The following RNF180 variants were observed in gnomAD, a reference collection of about 807,000 sequenced individuals.
The protein encoded by RNF180 is E3 ubiquitin-protein ligase RNF180.
Under a neutral mutation model 59.2 loss-of-function variants are expected in RNF180, and 38 were observed. That is an observed-to-expected ratio of 0.64 (90% CI 0.50 to 0.84). The LOEUF (loss-of-function observed/expected upper bound fraction) is 0.84. Ranked by LOEUF, RNF180 falls within the 40% of genes least tolerant of loss-of-function variation. RNF180 has a pLI of 0.00. For synonymous variants in RNF180, 262 were observed against 240.3 expected (o/e 1.09, Z -0.84); for missense variants, 705 against 700.9 (o/e 1.01, Z -0.07).
chr5:64,241,532 A>G (rs1742807081), intron 5 of RNF180, among the ~76,000 whole-genome samples: 2 of 152,186 alleles, frequency 1.3e-5, no homozygotes, highest in Non-Finnish European at 2.9e-5. Context: ...GCATATGATA[A>G]CTTATTCTAT....
rs1393315077 is a variant in RNF180, at chr5:64,371,659, A to T, written c.*1845A>T. 1 of 151,624 alleles carries T rather than the reference A, an allele frequency of 6.6e-6. No individual in the cohort carries two copies. The highest frequency in any genetic ancestry group is 2.4e-5 in the African/African-American group (1 of 41,412). The allele number at this position is 151,624 out of a possible 1,614,324, so 9.4% of individuals were successfully genotyped here. On this transcript the variant is annotated 3_prime_UTR_variant, in exon 8 of 8. Coordinates refer to ENST00000389100, the MANE Select transcript of RNF180 (RefSeq NM_001113561.2). ...TTAAATGAAGAAAGCATAATCTGGA[A>T]AAGCATTCAAAATGGATTGAGTATA...
At chr5:64,205,511 G>A (rs1000567980) in intron 2 of RNF180, among the ~76,000 whole-genome samples, 5 of 152,134 alleles carry the variant, frequency 3.3e-5, no homozygotes, top group South Asian at 2.1e-4. Context: ...AGGGAGTGGC[G>A]TCCTTAGTTT....
intron 5 of RNF180, among the ~76,000 whole-genome samples, chr5:64,283,696 G>A (rs1232992739): frequency 2.0e-5 from 3 of 152,072 alleles, no homozygotes; most frequent in Non-Finnish European, 2.9e-5. Context: ...TTGTGATGAA[G>A]GTGCCTTGCT....
At chr5:64,234,666 C>A (rs1443115175) in intron 5 of RNF180, among the ~76,000 whole-genome samples, 1 of 124,650 alleles carries the variant, frequency 8.0e-6, no homozygotes, top group Non-Finnish European at 1.6e-5. Flanking sequence ...GTGGCGCCAT[C>A]TTGGCTCACT....
chr5:64,324,554 G>A (rs1046192098), intron 5 of RNF180, among the ~76,000 whole-genome samples: 17 of 152,186 alleles, frequency 1.1e-4, no homozygotes, highest in Non-Finnish European at 1.9e-4. Flanking sequence ...TCAAGAACCT[G>A]CTGTATCTTT....
At position 64,214,368 on chromosome 5, in the gene RNF180, CAGGAAG is replaced by C. The variant is rs1157498444; in HGVS notation, c.1045_1050del (p.Glu349_Glu350del). ...CAGGAGCATGCCGGAGGCCTCAGACCAGGAAGAGCACCTCTCCCCTCTGGACTTCCT... is the reference window on the plus strand; with the variant it reads ...CAGGAGCATGCCGGAGGCCTCAGACCAGCACCTCTCCCCTCTGGACTTCCT... On this transcript the variant is annotated inframe_deletion, in exon 4 of 8. Transcript: ENST00000389100. The C allele has an allele frequency of 6.2e-7, 1 of 1,614,038 alleles. No individual in the cohort carries two copies. Among genetic ancestry groups the C allele is most frequent in the South Asian group, 1.1e-5 (1 of 91,080 alleles).
intron 5 of RNF180, among the ~76,000 whole-genome samples, chr5:64,264,405 A>T (rs990455407): frequency 2.0e-5 from 3 of 149,726 alleles, no homozygotes; most frequent in Non-Finnish European, 4.4e-5. Context: ...GACAGGCCCC[A>T]GTGTGTGGTA....
intron 5 of RNF180, among the ~76,000 whole-genome samples, chr5:64,323,713 C>T (rs1221738081): frequency 6.6e-6 from 1 of 152,022 alleles, no homozygotes; most frequent in African/African-American, 2.4e-5. Context: ...GAAGTATGGC[C>T]GTGGCTAACA....
intron 5 of RNF180, among the ~76,000 whole-genome samples, chr5:64,314,289 T>C (rs78027712): frequency 1.4e-5 from 1 of 69,462 alleles, no homozygotes; most frequent in Non-Finnish European, 2.8e-5. Context: ...CATGCCAACA[T>C]TTTTTTTTAC....
At chr5:64,179,096 C>T (rs529285045) in intron 1 of RNF180, among the ~76,000 whole-genome samples, 2 of 152,162 alleles carry the variant, frequency 1.3e-5, no homozygotes, top group South Asian at 4.1e-4. Context: ...AAATGGAAAT[C>T]GAATGCTACT....
chr5:64,317,421 T>A (rs2112497506), intron 5 of RNF180, among the ~76,000 whole-genome samples: 1 of 152,126 alleles, frequency 6.6e-6, no homozygotes, highest in East Asian at 1.9e-4. Flanking sequence ...TTAGGAGAAG[T>A]GATGCCAACA....
intron 5 of RNF180, among the ~76,000 whole-genome samples, chr5:64,239,533 T>C (rs1436532482): frequency 6.6e-6 from 1 of 152,128 alleles, no homozygotes; most frequent in Non-Finnish European, 1.5e-5. Context: ...CAAAAGACAA[T>C]TGTCTTTTGA....
intron 5 of RNF180, among the ~76,000 whole-genome samples, chr5:64,256,425 G>T (rs1176009773): frequency 3.3e-5 from 5 of 152,144 alleles, no homozygotes; most frequent in Non-Finnish European, 5.9e-5. Context: ...CATATGGCTA[G>T]CCAGTTTCCC....
At chr5:64,330,081 A>G (rs1744833223) in intron 6 of RNF180, among the ~76,000 whole-genome samples, 200 bp from the exon 7 acceptor site, 1 of 152,232 alleles carries the variant, frequency 6.6e-6, no homozygotes, top group Non-Finnish European at 1.5e-5. Context: ...GGCATGTCAA[A>G]GTTGCACCAA....
At chr5:64,334,593 T>G (rs1470182407) in intron 7 of RNF180, among the ~76,000 whole-genome samples, 2 of 152,246 alleles carry the variant, frequency 1.3e-5, no homozygotes, top group Non-Finnish European at 2.9e-5. Flanking sequence ...TATTTATCAT[T>G]TCTTTGTATA....
chr5:64,230,490 AATGT>A (rs985989112), intron 5 of RNF180, among the ~76,000 whole-genome samples: 3 of 152,182 alleles, frequency 2.0e-5, no homozygotes, highest in Admixed American at 1.3e-4. Context: ...TCTTTCTCAC[AATGT>A]CATCTCTTTG....
intron 7 of RNF180, among the ~76,000 whole-genome samples, chr5:64,358,379 C>G (rs1199622512): frequency 6.6e-6 from 1 of 151,830 alleles, no homozygotes; most frequent in East Asian, 1.9e-4. Flanking sequence ...CACAAACCAA[C>G]CATGTAATCA....
At chr5:64,167,955 C>T (rs1290481652) in intron 1 of RNF180, among the ~76,000 whole-genome samples, 1 of 152,134 alleles carries the variant, frequency 6.6e-6, no homozygotes, top group Admixed American at 6.5e-5. Context: ...AGCTTTGTAA[C>T]TTTGAAATGT....
chr5:64,224,704 C>T (rs566343721), intron 5 of RNF180, among the ~76,000 whole-genome samples: 1 of 152,178 alleles, frequency 6.6e-6, no homozygotes, highest in African/African-American at 2.4e-5. Flanking sequence ...AGGAGAACAG[C>T]AAAGATGCAT....
Sources: gnomAD v4.1 joint callset for allele counts (sites outside exome capture counted in the v4.1 genomes callset) on GRCh38, gnomAD v4.1.1 for gene constraint, MANE v1.5 for transcripts, NCBI Gene and HGNC (gene_info 2026-07-23, HGNC 2026-07-21) for gene names.